STAT6: variants seen among roughly 807,000 people sequenced by gnomAD.
The protein encoded by STAT6 is signal transducer and activator of transcription 6.
STAT6 carries 45 observed loss-of-function variants against 106.3 expected under a neutral mutation model. The observed-to-expected ratio is 0.42, with a 90% CI of 0.33 to 0.54. The LOEUF is 0.54. Among genes scored for constraint, STAT6 ranks in the 20% least tolerant of loss-of-function variants. STAT6 has a pLI of 0.06. For missense variants in STAT6, 797 were observed against 1,062.2 expected (o/e 0.75, Z 3.47); for synonymous variants, 413 against 413.6 (o/e 1.00, Z 0.02).
chr12:57,102,393 A>C lies in STAT6; in HGVS notation c.1409T>G (p.Leu470Arg). Residue 470 changes from leucine to arginine, a missense_variant, in exon 13 of 22, where the codon CTC becomes CGC. Physicochemically the swap from Leu to Arg is moderately radical, Grantham distance 102. Transcript: ENST00000300134. ...MAEVGTNRGLLPEHFLFLAQK... is the reference protein window; with the variant it reads ...MAEVGTNRGLRPEHFLFLAQK... ...GGCCAGGAAGAGGAAGTGCTCTGGG[A>C]GCAGCCCCCGGTTGGTCCCCACCTC... 1 of 1,614,084 alleles carries C rather than the reference A, an allele frequency of 6.2e-7. No individual in the cohort carries two copies. The highest frequency in any genetic ancestry group is 8.5e-7 in the Non-Finnish European group (1 of 1,180,012).
At chr12:57,097,447 G>A (rs923084139) in intron 19 of STAT6, among the ~76,000 whole-genome samples, 1 of 152,200 alleles carries the variant, frequency 6.6e-6, no homozygotes, top group African/African-American at 2.4e-5. Context: ...ATAAGCACCC[G>A]AGTGTCATAC....
At position 57,099,513 on chromosome 12, in the gene STAT6, C is replaced by T; in HGVS notation, c.1745-73G>A. The T allele has an allele frequency of 6.3e-7, 1 of 1,595,924 alleles. No homozygotes were observed. Among genetic ancestry groups the T allele is most frequent in the Non-Finnish European group, 8.6e-7 (1 of 1,166,938 alleles). ...CCCTTCCCCAACCCCTACCATAAGACCTGTTCTCACTCCACCAAGGCAAGG... is the reference window on the plus strand; with the variant it reads ...CCCTTCCCCAACCCCTACCATAAGATCTGTTCTCACTCCACCAAGGCAAGG... On this transcript the variant is annotated intron_variant, in intron 15 of 21. Coordinates refer to ENST00000300134, the MANE Select transcript of STAT6 (RefSeq NM_003153.5). This position sits in a 1 kb window ranked among gnomAD's most constrained non-coding sequence, Gnocchi z 4.7.
At chr12:57,098,104 C>T (rs1328013285) in intron 19 of STAT6, among the ~76,000 whole-genome samples, 1 of 152,084 alleles carries the variant, frequency 6.6e-6, no homozygotes, top group East Asian at 1.9e-4. Context: ...ATGAAACTGC[C>T]AAAGACAGAA....
At chr12:57,100,167 G>A (rs1203168037) in intron 13 of STAT6, 77 bp from the exon 14 acceptor site, 15 of 1,270,244 alleles carry the variant, frequency 1.2e-5, no homozygotes, top group Non-Finnish European at 1.7e-5. Context: ...AGTGAGCTGT[G>A]AGTGCCCTCA....
chr12:57,102,273 A>C lies in STAT6; in HGVS notation c.1512+17T>G. On this transcript the variant is annotated intron_variant, in intron 13 of 21. Coordinates refer to ENST00000300134, the MANE Select transcript of STAT6 (RefSeq NM_003153.5). ...GAAGAGCTTGGGGGTGGGAGGTCCA[A>C]AGGGCAGGAGAATGACCTTGTTGAA... 1 of 1,613,756 alleles carries C rather than the reference A, an allele frequency of 6.2e-7. No individual in the cohort carries two copies. Among genetic ancestry groups the C allele is most frequent in the Non-Finnish European group, 8.5e-7 (1 of 1,179,920 alleles).
At chr12:57,108,467 G>A (rs2034406387) in intron 1 of STAT6, among the ~76,000 whole-genome samples, 168 bp from the exon 2 acceptor site, 4 of 152,244 alleles carry the variant, frequency 2.6e-5, no homozygotes, top group Admixed American at 2.6e-4. Context: ...CCTGAGATGG[G>A]GGTAACTCCT....
intron 13 of STAT6, among the ~76,000 whole-genome samples, chr12:57,101,397 T>C (rs1238859783): frequency 6.6e-6 from 1 of 151,070 alleles, no homozygotes; most frequent in Non-Finnish European, 1.5e-5. Context: ...TTTTTTTTTT[T>C]TTTTTTTGAT....
Position 57,108,149 on chromosome 12 carries a change from C to A in STAT6, c.116+14G>T, listed in dbSNP as rs1206275545. 6.6e-7 allele frequency: 1 copy of A among 1,526,302 alleles called. No individual in the cohort carries two copies. The highest frequency in any genetic ancestry group is 1.1e-5 in the South Asian group (1 of 87,738). The allele number at this position is 1,526,302 out of a possible 1,614,324, so 94.5% of individuals were successfully genotyped here. A position where few individuals can be genotyped will look rare whatever the true frequency, so the allele number is the denominator to read the frequency against. Reference sequence around the variant, plus strand: ...GAAGACTTGGGGGACCAGCAGGGAGCAGCCAGGACTCACCAGGGCTGGCTC... The same window carrying A: ...GAAGACTTGGGGGACCAGCAGGGAGAAGCCAGGACTCACCAGGGCTGGCTC... On this transcript the variant is annotated intron_variant, in intron 2 of 21. Transcript: ENST00000300134.
Position 57,098,817 on chromosome 12 carries a change from T to C in STAT6, c.2041A>G (p.Ser681Gly). ...ACCATATCTGGGCCAAGCTGCATGC[T>C]CATGGAGGAATCAGGGGCCATTCCA... is the stretch of plus-strand genomic sequence containing the variant. Reference protein sequence around the residue: ...DLGMAPDSSMSMQLGPDMVPQ... With the variant: ...DLGMAPDSSMGMQLGPDMVPQ... The change falls in exon 18 of 22, where the codon AGC becomes GGC. Residue 681 changes from serine to glycine, a missense_variant. Ser to Gly is a moderately conservative substitution (Grantham distance 56). Transcript: ENST00000300134. 6.2e-7 allele frequency: 1 copy of C among 1,613,764 alleles called. No individual in the cohort carries two copies. The highest frequency in any genetic ancestry group is 1.1e-5 in the South Asian group (1 of 91,068).
At chr12:57,104,925 CTGTT>C in intron 9 of STAT6, 112 bp from the exon 10 acceptor site, 1 of 1,349,878 alleles carries the variant, frequency 7.4e-7, no homozygotes, top group Non-Finnish European at 1.0e-6. Flanking sequence ...CTCCATGTCT[CTGTT>C]TGGGTTCTTA....
intron 12 of STAT6, 97 bp downstream of exon 12, chr12:57,102,732 T>C: frequency 8.9e-7 from 1 of 1,119,734 alleles, no homozygotes; most frequent in Non-Finnish European, 1.3e-6. Context: ...GTCACACCCA[T>C]TTAAACATGC....
At chr12:57,104,690 G>A in intron 10 of STAT6, 36 bp downstream of exon 10, 1 of 1,613,990 alleles carries the variant, frequency 6.2e-7, no homozygotes, top group African/African-American at 1.3e-5. Flanking sequence ...CAGTCTCCTA[G>A]TGGTGCCCCC....
chr12:57,109,411 G>A (rs1455408295), intron 1 of STAT6, among the ~76,000 whole-genome samples: 1 of 152,148 alleles, frequency 6.6e-6, no homozygotes, highest in East Asian at 1.9e-4. Flanking sequence ...TGAGGCTTAA[G>A]GAGTTTCTCT....
intron 11 of STAT6, chr12:57,104,203 G>T: frequency 2.1e-6 from 1 of 472,766 alleles, no homozygotes; most frequent in Non-Finnish European, 3.8e-6. Context: ...GTGCTGGCAC[G>T]CATGTGCGTA....
At chr12:57,100,742 G>GA (rs565329228) in intron 13 of STAT6, 14 of 183,180 alleles carry the variant, frequency 7.6e-5, no homozygotes, top group East Asian at 2.0e-4. Flanking sequence ...AAGAAAGAAA[G>GA]AAAGAAAAGA....
In STAT6 at chr12:57,096,748, T is replaced by G; in HGVS notation, c.2368A>C (p.Ile790Leu). The change falls in exon 22 of 22, where the codon ATA becomes CTA. Residue 790 changes from isoleucine to leucine, a missense_variant. By Grantham distance (5) the Ile-to-Leu change is conservative. Transcript: ENST00000300134. ...FPQGTWIGED[I>L]FPPLLPPTEQ... is the part of the protein sequence containing the mutation. ...GTGGGAGGCAGCAGAGGAGGGAATA[T>G]GTCTTCACCAATCCTGCAAGGAGAT... 12 of 1,613,160 alleles carry G rather than the reference T, an allele frequency of 7.4e-6. No homozygotes were observed. The highest frequency in any genetic ancestry group is 1.0e-5 in the Non-Finnish European group (12 of 1,179,622).
At position 57,102,948 on chromosome 12, in the gene STAT6, TTTTC is replaced by T. The variant is rs752731469; in HGVS notation, c.1213-31_1213-28del. The T allele has an allele frequency of 4.8e-5, 50 of 1,036,788 alleles. 1 individual carries two copies. The highest frequency in any genetic ancestry group is 4.4e-4 in the South Asian group (28 of 63,190). The allele number at this position is 1,036,788 out of a possible 1,614,324, so 64.2% of individuals were successfully genotyped here. A position where few individuals can be genotyped will look rare whatever the true frequency, so the allele number is the denominator to read the frequency against. On this transcript the variant is annotated intron_variant, in intron 11 of 21. Transcript: ENST00000300134. ...TGAAGAGGGTGAGGACAGGGGTTTC[TTTTC>T]TTTCTTTCTTTCCTTTTTTTTTTTT...
chr12:57,102,504 G>A lies in STAT6; in HGVS notation c.1306-8C>T. The A allele has an allele frequency of 6.2e-7, 1 of 1,612,706 alleles. No homozygotes were observed. The highest frequency in any genetic ancestry group is 2.2e-5 in the East Asian group (1 of 44,868). On this transcript the variant is annotated splice_polypyrimidine_tract_variant and splice_region_variant and intron_variant, in intron 12 of 21. Coordinates refer to ENST00000300134, the MANE Select transcript of STAT6 (RefSeq NM_003153.5). ...CACAAAGGGCACGCGGTCCTGGGGA[G>A]AAGGGGGAAGAAGAGAGCACTGCAG...
chr12:57,108,749 T>TA (rs1205691540), intron 1 of STAT6, among the ~76,000 whole-genome samples: 2 of 152,172 alleles, frequency 1.3e-5, no homozygotes, highest in Non-Finnish European at 2.9e-5. Context: ...GAATCTCAAT[T>TA]ACATAAAAGG....
Sources: allele counts gnomAD v4.1 joint callset (sites outside exome capture counted in the v4.1 genomes callset), GRCh38; gene constraint gnomAD v4.1.1; non-coding constraint Gnocchi (gnomAD v3.1); transcripts MANE v1.5; gene names NCBI Gene and HGNC (gene_info 2026-07-23, HGNC 2026-07-21).